Variants in BICRA observed in about 807,000 individuals in gnomAD.
BICRA encodes the protein BRD4-interacting chromatin-remodeling complex-associated protein.
BICRA carries 31 observed loss-of-function variants against 96.9 expected under a neutral mutation model. The observed-to-expected ratio is 0.32, with a 90% confidence interval of 0.24 to 0.43. The LOEUF is 0.43. Among genes scored for constraint, BICRA ranks in the 20% least tolerant of loss-of-function variants. The pLI, the probability that BICRA is intolerant of heterozygous loss-of-function variation, is 1.00. For synonymous variants in BICRA, 1,350 were observed against 1,071.8 expected, an observed-to-expected ratio of 1.26 and a Z score of -5.07; for missense variants, 2,283 against 2,190.3, an observed-to-expected ratio of 1.04 and a Z score of -0.84.
At chr19:47,689,750 G>A (rs1256567168) in intron 7 of BICRA, among the ~76,000 whole-genome samples, 1 of 152,116 alleles carries the variant, frequency 6.6e-6, no homozygotes, top group African/African-American at 2.4e-5. Flanking sequence ...CCAGTTCTTC[G>A]TGTATATACA....
Position 47,694,640 on chromosome 19 carries a change from C to G in BICRA, c.2809C>G (p.Pro937Ala), listed in dbSNP as rs751004213. 9 of 1,578,944 alleles carry G rather than the reference C, an allele frequency of 5.7e-6. No individual in the cohort carries two copies. The East Asian group carries it at 1.3e-4, about 24-fold the overall frequency. Residue 937 changes from proline (P) to alanine (A), a missense_variant, in exon 8 of 15, where the codon CCA becomes GCA. By Grantham distance (27) the Pro-to-Ala change is conservative (BLOSUM62 -1). Transcript: ENST00000594866. ...GGTCCCTGAGCCGGCAGCACCCCCC[C>G]CACCGCCTCCTCGGACCTTCCAGAT... ...HLVPEPAAPP[P>A]PPPRTFQMVT...
intron 5 of BICRA, 95 bp downstream of exon 5, chr19:47,676,011 G>A (rs760428960): frequency 2.1e-5 from 16 of 773,724 alleles, no homozygotes; most frequent in African/African-American, 1.4e-4. Flanking sequence ...GGCTCATCTC[G>A]TGAGGGCTGT....
rs1388065138 is a variant in BICRA at position 47,670,423 on chromosome 19, GTC to G, written c.-107-15_-107-14del. On this transcript the variant is annotated intron_variant, in intron 1 of 14. Transcript: ENST00000594866. ...TCGCTGACTTTCTCACTCACTGTCT[GTC>G]TCTCATTTTCTCCACAGCTGGCCCC... is the stretch of plus-strand genomic sequence containing the variant. 2 of 152,168 alleles carry G rather than the reference GTC, an allele frequency of 1.3e-5. No individual in the cohort carries two copies. The highest frequency in any genetic ancestry group is 6.6e-5 in the Admixed American group (1 of 15,262). 9.4% of individuals were successfully genotyped at this position (152,168 alleles called of 1,614,324 possible).
chr19:47,669,801 C>T (rs1041505097), intron 1 of BICRA, among the ~76,000 whole-genome samples: 1 of 151,814 alleles, frequency 6.6e-6, no homozygotes, highest in Non-Finnish European at 1.5e-5. Context: ...GGACTACAGG[C>T]GCCCGCCAGC....
At chr19:47,622,723 CAAAAA>C (rs756030830) in intron 1 of BICRA, among the ~76,000 whole-genome samples, 1 of 31,870 alleles carries the variant, frequency 3.1e-5, no homozygotes, top group Non-Finnish European at 6.1e-5. Flanking sequence ...GACTCTGTCT[CAAAAA>C]AAAAAAAAAA....
chr19:47,616,866 G>C (rs1023515139), intron 1 of BICRA, among the ~76,000 whole-genome samples: 25 of 150,174 alleles, frequency 1.7e-4, no homozygotes, highest in Non-Finnish European at 1.5e-5. Context: ...ATCTCTCTCT[G>C]CGCCCAGGCT....
chr19:47,696,625 T>C, intron 11 of BICRA, 113 bp downstream of exon 11: 2 of 919,644 alleles, frequency 2.2e-6, no homozygotes, highest in Non-Finnish European at 3.3e-6. Flanking sequence ...CAAGCCCAGC[T>C]CCACCTCTTG....
chr19:47,689,269 T>TTTTTTTTC, intron 7 of BICRA, among the ~76,000 whole-genome samples: 1 of 152,176 alleles, frequency 6.6e-6, no homozygotes, highest in South Asian at 2.1e-4. Flanking sequence ...ATCAGAAAGT[T>TTTTTTTTC]TTTTTTTCTT....
intron 7 of BICRA, among the ~76,000 whole-genome samples, chr19:47,693,586 A>G (rs944514038): frequency 2.0e-5 from 3 of 152,194 alleles, no homozygotes; most frequent in Admixed American, 6.5e-5. Flanking sequence ...ACCCCGAGCC[A>G]TGGTACACAG....
chr19:47,648,874 C>T (rs1159208466), intron 1 of BICRA, among the ~76,000 whole-genome samples: 2 of 141,100 alleles, frequency 1.4e-5, no homozygotes, highest in East Asian at 2.1e-4. Flanking sequence ...TTTTTTGAGG[C>T]GGAGTCTCAC....
At chr19:47,623,839 T>C (rs1480621513) in intron 1 of BICRA, among the ~76,000 whole-genome samples, 1 of 145,100 alleles carries the variant, frequency 6.9e-6, no homozygotes, top group African/African-American at 2.6e-5. Flanking sequence ...GTTCTTTCTC[T>C]CTCTCTCTTT....
intron 1 of BICRA, among the ~76,000 whole-genome samples, chr19:47,648,498 A>G (rs1972494992): frequency 6.6e-6 from 1 of 151,658 alleles, no homozygotes; most frequent in Non-Finnish European, 1.5e-5. Context: ...TCAGATAGCG[A>G]TCGGCACCTG....
At chr19:47,627,996 C>T (rs1332388872) in intron 1 of BICRA, among the ~76,000 whole-genome samples, 1 of 152,146 alleles carries the variant, frequency 6.6e-6, no homozygotes, top group Non-Finnish European at 1.5e-5. Context: ...TCTCGAACCC[C>T]TGACCTCGTG....
At chr19:47,614,338 C>T (rs1024290843) in intron 1 of BICRA, among the ~76,000 whole-genome samples, 1 of 151,714 alleles carries the variant, frequency 6.6e-6, no homozygotes, top group Admixed American at 6.6e-5. Flanking sequence ...CTATTCAGGC[C>T]GGGCATGGTG....
intron 1 of BICRA, among the ~76,000 whole-genome samples, chr19:47,642,821 A>G (rs1001995039): frequency 1.3e-5 from 2 of 152,212 alleles, no homozygotes; most frequent in Admixed American, 6.5e-5. Context: ...CCCACCACTT[A>G]CCATTATCAG....
At chr19:47,639,410 T>C (rs957759512) in intron 1 of BICRA, among the ~76,000 whole-genome samples, 1 of 137,214 alleles carries the variant, frequency 7.3e-6, no homozygotes, top group African/African-American at 2.8e-5. Context: ...TACTGCAAGC[T>C]CCACCTCCCG....
chr19:47,696,153 G>A (rs1477651196), intron 10 of BICRA, among the ~76,000 whole-genome samples: 1 of 152,136 alleles, frequency 6.6e-6, no homozygotes, highest in Non-Finnish European at 1.5e-5. Context: ...GCAGGCATCC[G>A]GCAGAGGAGG....
At chr19:47,673,816 G>A in intron 4 of BICRA, 54 bp downstream of exon 4, 2 of 1,441,112 alleles carry the variant, frequency 1.4e-6, no homozygotes, top group South Asian at 1.1e-5. Context: ...GTCTAATTGG[G>A]AGTGAGGGAC....
At chr19:47,637,568 C>T (rs1023969543) in intron 1 of BICRA, among the ~76,000 whole-genome samples, 3 of 152,146 alleles carry the variant, frequency 2.0e-5, no homozygotes, top group South Asian at 2.1e-4. Flanking sequence ...AAAATCCAGC[C>T]ATGTAAAGGG....
Sources: allele counts gnomAD v4.1 joint callset (sites outside exome capture counted in the v4.1 genomes callset), GRCh38; gene constraint gnomAD v4.1.1; transcripts MANE v1.5; gene names NCBI Gene and HGNC (gene_info 2026-07-23, HGNC 2026-07-21).